ITPR1: variants seen among roughly 807,000 people sequenced by gnomAD.
ITPR1 encodes inositol 1,4,5-trisphosphate-gated calcium channel ITPR1.
Under a neutral mutation model 318.4 loss-of-function variants are expected in ITPR1, and 96 were observed. That is an observed-to-expected ratio of 0.30 (90% confidence interval 0.26 to 0.36). ITPR1 has a LOEUF of 0.36. Among genes scored for constraint, ITPR1 ranks in the 10% least tolerant of loss-of-function variants. The pLI, the probability that ITPR1 is intolerant of heterozygous loss-of-function variation, is 1.00. For missense variants in ITPR1, 2,440 were observed against 3,460.2 expected (o/e 0.71, Z 7.40); for synonymous variants, 1,312 against 1,289.9 (o/e 1.02, Z -0.37).
intron 45 of ITPR1, 87 bp from the exon 46 acceptor site, chr3:4,768,424 A>G (rs1208970902): frequency 7.1e-7 from 1 of 1,414,676 alleles, no homozygotes; most frequent in Non-Finnish European, 9.5e-7. Flanking sequence ...AGATAAAGGA[A>G]TGTAGGTTTC....
Position 4,699,891 on chromosome 3 carries a change from G to A in ITPR1, c.4486G>A (p.Val1496Ile). 1.2e-6 allele frequency: 2 copies of A among 1,613,772 alleles called. No homozygotes were observed. ...TGTCACCGAAATCGTCATGAGTATT[G>A]TTACTACTTTCTTCAGCTCTCCCTT... ...KYVTEIVMSI[V>I]TTFFSSPFSD... The change falls in exon 35 of 62, where the codon GTT becomes ATT. Residue 1496 changes from valine to isoleucine, a missense_variant. This residue lies in a region of ITPR1 where 73 missense variants were observed against 59.5 expected (regional missense o/e 1.23). Coordinates refer to ENST00000649015, the MANE Select transcript of ITPR1 (RefSeq NM_001378452.1).
chr3:4,546,429 A>G (rs1188391430), intron 4 of ITPR1, among the ~76,000 whole-genome samples: 2 of 152,128 alleles, frequency 1.3e-5, no homozygotes, highest in Non-Finnish European at 2.9e-5. Flanking sequence ...ACTTGCCCAA[A>G]CTAAGAATTC....
At chr3:4,681,337 C>T (rs748312600) in intron 25 of ITPR1, 27 bp from the exon 26 acceptor site, 3 of 1,573,624 alleles carry the variant, frequency 1.9e-6, no homozygotes, top group East Asian at 2.2e-5. Context: ...CTTCCTGCAT[C>T]TGAAGTGGTA....
chr3:4,635,144 A>G (rs925413302), intron 5 of ITPR1, among the ~76,000 whole-genome samples: 11 of 152,228 alleles, frequency 7.2e-5, no homozygotes, highest in Admixed American at 4.6e-4. Context: ...AGGGAGTGAT[A>G]TTCAGGATCT....
chr3:4,534,329 A>G (rs1488190262), intron 4 of ITPR1, among the ~76,000 whole-genome samples: 1 of 152,056 alleles, frequency 6.6e-6, no homozygotes, highest in Non-Finnish European at 1.5e-5. Context: ...CCCATTGTTT[A>G]GCTCCCCCGG....
intron 34 of ITPR1, 83 bp downstream of exon 34, chr3:4,697,355 GCA>G: frequency 4.9e-4 from 256 of 520,692 alleles, no homozygotes; most frequent in South Asian, 1.2e-3. Context: ...TGTGTGTGTA[GCA>G]TCTTTGTGCA....
chr3:4,804,346 C>T (rs1455999792), intron 54 of ITPR1, among the ~76,000 whole-genome samples: 5 of 152,142 alleles, frequency 3.3e-5, no homozygotes, highest in Admixed American at 2.0e-4. Flanking sequence ...AGACTTGTCA[C>T]GCCGCAGGGA....
At position 4,683,476 on chromosome 3, in the gene ITPR1, C is replaced by G. The variant is rs2094337012; in HGVS notation, c.3252C>G (p.Pro1084=). ...LLHLTMHDYP[P]LVSGALQLLF... ...ACTTGACGATGCATGACTACCCACC[C>G]CTGGTGTCAGGGGCCCTGCAGCTCC... Residue 1084 remains proline, a synonymous_variant, in exon 27 of 62, where the codon CCC becomes CCG. Transcript: ENST00000649015. The G allele has an allele frequency of 6.2e-7, 1 of 1,614,060 alleles. No homozygotes were observed. Among genetic ancestry groups the G allele is most frequent in the Non-Finnish European group, 8.5e-7 (1 of 1,179,892 alleles).
chr3:4,577,383 G>A (rs2088799415), intron 4 of ITPR1, among the ~76,000 whole-genome samples: 1 of 152,196 alleles, frequency 6.6e-6, no homozygotes, highest in Non-Finnish European at 1.5e-5. Context: ...GATTCTGTAG[G>A]TCTAGAATAA....
chr3:4,837,015 A>C (rs1293590869), intron 61 of ITPR1, 80 bp downstream of exon 61: 2 of 1,264,218 alleles, frequency 1.6e-6, no homozygotes, highest in East Asian at 2.5e-5. Context: ...AAATCTGATG[A>C]GGAAAATCAG....
At chr3:4,653,800 A>C in intron 11 of ITPR1, 42 bp from the exon 12 acceptor site, 1 of 1,498,638 alleles carries the variant, frequency 6.7e-7, no homozygotes, top group Non-Finnish European at 9.2e-7. Flanking sequence ...TCCTTAAGAA[A>C]GCAATGGATG....
At position 4,700,592 on chromosome 3, in the gene ITPR1, A is replaced by G. The variant is rs6762644; in HGVS notation, c.4536+651A>G. Among the ~76,000 whole-genome samples the G allele has an allele frequency of 0.37, 56,948 of 151,998 alleles. 11,381 individuals carry two copies. Among genetic ancestry groups the G allele is most frequent in the African/African-American group, 0.47 (19,307 of 41,406 alleles). ...AGAACAAGATCAGGAGTTTTCATGC[A>G]GGCAGGATGCGATTTGGGACCTCAG... is the stretch of plus-strand genomic sequence containing the variant. On this transcript the variant is annotated intron_variant, in intron 35 of 61. Transcript: ENST00000649015.
intron 42 of ITPR1, among the ~76,000 whole-genome samples, chr3:4,730,354 A>G (rs187976370): frequency 7.9e-4 from 118 of 149,548 alleles, no homozygotes; most frequent in South Asian, 3.2e-3. Flanking sequence ...AGCAAAAAAA[A>G]AAGTTTGTTG....
At chr3:4,795,945 T>G (rs992346218) in intron 53 of ITPR1, among the ~76,000 whole-genome samples, 6 of 152,098 alleles carry the variant, frequency 3.9e-5, no homozygotes, top group African/African-American at 1.2e-4. Context: ...GAGGTCCACC[T>G]CCCGGCTAAA....
chr3:4,642,219 C>G lies in ITPR1; in HGVS notation c.493C>G (p.Pro165Ala). ...TGAAGGGTCCTGGTTTTATATTCAGCCATTCTACAAGCTGCGATCCATTGG... is the reference window on the plus strand; with the variant it reads ...TGAAGGGTCCTGGTTTTATATTCAGGCATTCTACAAGCTGCGATCCATTGG... Reference protein sequence around the residue: ...GNEGSWFYIQPFYKLRSIGDS... With the variant: ...GNEGSWFYIQAFYKLRSIGDS... Residue 165 changes from proline to alanine, a missense_variant, in exon 7 of 62, where the codon CCA becomes GCA. Physicochemically the swap from Pro to Ala is conservative, Grantham distance 27. Coordinates refer to ENST00000649015, the MANE Select transcript of ITPR1 (RefSeq NM_001378452.1). 6.3e-7 allele frequency: 1 copy of G among 1,584,768 alleles called. No individual in the cohort carries two copies. Among genetic ancestry groups the G allele is most frequent in the Non-Finnish European group, 8.6e-7 (1 of 1,168,736 alleles).
At position 4,846,274 on chromosome 3, in the gene ITPR1, G is replaced by A; in HGVS notation, c.*49G>A. The A allele has an allele frequency of 7.9e-7, 1 of 1,271,916 alleles. No individual in the cohort carries two copies. The highest frequency in any genetic ancestry group is 1.3e-5 in the South Asian group (1 of 76,894). The allele number at this position is 1,271,916 out of a possible 1,614,324, so 78.8% of individuals were successfully genotyped here. A position where few individuals can be genotyped will look rare whatever the true frequency, so the allele number is the denominator to read the frequency against. On this transcript the variant is annotated 3_prime_UTR_variant, in exon 62 of 62. Transcript: ENST00000649015. ...TTTACCTTTTATAATTATTATTAGT[G>A]TGGGTATGGCTAATGAGTTCTGATT...
rs36079707 is a variant in ITPR1 at position 4,626,184 on chromosome 3, C to CTGTGTG, written c.164-1559_164-1554dup. 1.9e-3 allele frequency among the ~76,000 whole-genome samples: 287 copies of CTGTGTG among 147,924 alleles called. 1 individual carries two copies. Among genetic ancestry groups the CTGTGTG allele is most frequent in the African/African-American group, 6.5e-3 (261 of 40,218 alleles). On this transcript the variant is annotated intron_variant, in intron 4 of 61. Coordinates refer to ENST00000649015, the MANE Select transcript of ITPR1 (RefSeq NM_001378452.1). ...AATTGGTGGCTATACCCTAAACTTTCTGTGTGTGTGTGTGTGTGTGTGTGT... is the reference window on the plus strand; with the variant it reads ...AATTGGTGGCTATACCCTAAACTTTCTGTGTGTGTGTGTGTGTGTGTGTGTGTGTGT...
At chr3:4,825,420 C>T (rs2050008155) in intron 60 of ITPR1, among the ~76,000 whole-genome samples, 1 of 152,152 alleles carries the variant, frequency 6.6e-6, no homozygotes, top group Non-Finnish European at 1.5e-5. Flanking sequence ...CTGAAAAATG[C>T]TTTCCTGAGA....
chr3:4,707,407 G>A (rs948704838), intron 37 of ITPR1, among the ~76,000 whole-genome samples: 7 of 152,176 alleles, frequency 4.6e-5, no homozygotes, highest in African/African-American at 7.2e-5. Context: ...TGGAGTTGTC[G>A]ACTGAAACAT....
Sources: gnomAD v4.1 joint callset for allele counts (sites outside exome capture counted in the v4.1 genomes callset) on GRCh38, gnomAD v4.1.1 for gene constraint, gnomAD v4.1.1 regional missense constraint, MANE v1.5 for transcripts, NCBI Gene and HGNC (gene_info 2026-07-23, HGNC 2026-07-21) for gene names.